MUC17: variants seen among roughly 807,000 people sequenced by gnomAD.
The protein encoded by MUC17 is mucin 17, cell surface associated, also known as mucin-17.
MUC17 carries 190 observed loss-of-function variants against 170.3 expected under a neutral mutation model. That is an observed-to-expected ratio of 1.12 (90% CI 0.99 to 1.26). MUC17 has a LOEUF of 1.26. MUC17 is among the 50% of genes most tolerant of loss of function. The pLI is 0.00. For missense variants in MUC17, 6,415 were observed against 5,530.0 expected (o/e 1.16, Z -5.08); for synonymous variants, 2,325 against 2,002.5 (o/e 1.16, Z -4.30).
chr7:101,031,276 C>T, intron 2 of MUC17, 55 bp downstream of exon 2: 1 of 1,567,996 alleles, frequency 6.4e-7, no homozygotes, highest in East Asian at 2.3e-5. Flanking sequence ...TGCGAAAGGG[C>T]TAGAGCGACC....
intron 9 of MUC17, 85 bp from the exon 10 acceptor site, chr7:101,052,901 A>T: frequency 6.7e-7 from 1 of 1,489,420 alleles, no homozygotes; most frequent in Non-Finnish European, 9.0e-7. Context: ...CCTCTTCATT[A>T]AACACCCACT....
Position 101,053,008 on chromosome 7 carries a change from TG to T in MUC17, c.13128del (p.Trp4376CysfsTer26), listed in dbSNP as rs1794978060. ...QCLCVTTETH[W>X]YSGETCNQGT... is the part of the protein sequence containing the mutation. The stretch of plus-strand genomic sequence containing the variant: ...CAGCTGCGTGACCACGGAAACTCAC[TG>T]GTACAGTGGGGAGACCTGTAACCAG... On this transcript the variant is annotated frameshift_variant, in exon 10 of 13. Coordinates refer to ENST00000306151, the MANE Select transcript of MUC17 (RefSeq NM_001040105.2). LOFTEE classifies it high-confidence loss of function. 2.5e-6 allele frequency: 4 copies of T among 1,613,878 alleles called. No individual in the cohort carries two copies. Among genetic ancestry groups the T allele is most frequent in the Non-Finnish European group, 2.5e-6 (3 of 1,179,904 alleles).
At chr7:101,053,247 G>C (rs536760156) in intron 10 of MUC17, 92 bp from the exon 11 acceptor site, 52 of 1,578,866 alleles carry the variant, frequency 3.3e-5, no homozygotes, top group Non-Finnish European at 3.8e-5. Context: ...GGTGGGCAGC[G>C]GGGGCAGCTA....
rs1794685081 is a variant in MUC17, at chr7:101,041,080, A to G, written c.9664A>G (p.Thr3222Ala). The change falls in exon 3 of 13, where the codon ACT (threonine) becomes GCT (alanine). Residue 3222 changes from threonine (T) to alanine (A), a missense_variant. Transcript: ENST00000306151. ...AACCTCAACTCCTAGTGAAGGAATG[A>G]CTCCATTAACTAGTGTACCTGTCAG... ...IPTSTPSEGMTPLTSVPVSNT... is the reference protein window; with the variant it reads ...IPTSTPSEGMAPLTSVPVSNT... 5.0e-6 allele frequency: 8 copies of G among 1,613,694 alleles called. No individual in the cohort carries two copies. The highest frequency in any genetic ancestry group is 5.9e-6 in the Non-Finnish European group (7 of 1,179,940).
chr7:101,039,574 A>G lies in MUC17; in HGVS notation c.8158A>G (p.Ser2720Gly). 1 of 1,612,676 alleles carries G rather than the reference A, an allele frequency of 6.2e-7. No individual in the cohort carries two copies. The highest frequency in any genetic ancestry group is 1.3e-5 in the African/African-American group (1 of 74,964). ...STLSTTPVDT[S>G]TPVTTSAEAS... ...CCTTTCAACAACTCCTGTTGACACC[A>G]GCACACCTGTCACCACTTCTGCTGA... Residue 2720 changes from serine (S) to glycine (G), a missense_variant, in exon 3 of 13, where the codon AGC becomes GGC. Physicochemically the swap from Ser to Gly is moderately conservative, Grantham distance 56. Coordinates refer to ENST00000306151, the MANE Select transcript of MUC17 (RefSeq NM_001040105.2).
At position 101,033,583 on chromosome 7, in the gene MUC17, A is replaced by C; in HGVS notation, c.2167A>C (p.Thr723Pro). The C allele has an allele frequency of 6.2e-7, 1 of 1,613,812 alleles. No homozygotes were observed. Among genetic ancestry groups the C allele is most frequent in the Admixed American group, 1.7e-5 (1 of 59,982 alleles). ...CACCAGCACACCTGTGACCACTTCA[A>C]CTGAAGCCAGTTCCTCTCCTACAAC... ...VDTSTPVTTS[T>P]EASSSPTTAD... The change falls in exon 3 of 13, where the codon ACT becomes CCT. Residue 723 changes from threonine to proline, a missense_variant. Transcript: ENST00000306151.
intron 1 of MUC17, among the ~76,000 whole-genome samples, chr7:101,027,474 C>G (rs1027051971): frequency 1.1e-4 from 16 of 152,226 alleles, no homozygotes; most frequent in African/African-American, 3.9e-4. Context: ...TTTGTGTCTT[C>G]CAGAGAATTT....
intron 2 of MUC17, 89 bp from the exon 3 acceptor site, chr7:101,031,512 T>A: frequency 7.4e-7 from 1 of 1,350,672 alleles, no homozygotes. Context: ...CTGAACACAT[T>A]TTCAGTAAAA....
rs1794686531 is a variant in MUC17 at position 101,041,128 on chromosome 7, G to C, written c.9712G>C (p.Glu3238Gln). The C allele has an allele frequency of 6.2e-7, 1 of 1,613,514 alleles. No homozygotes were observed. Among genetic ancestry groups the C allele is most frequent in the South Asian group, 1.1e-5 (1 of 91,042 alleles). ...CAGCAACACGCCGGTGGCCAGTTCTGAGGCTAGCATCCTTTCAACAACTCC... is the reference window on the plus strand; with the variant it reads ...CAGCAACACGCCGGTGGCCAGTTCTCAGGCTAGCATCCTTTCAACAACTCC... ...PVSNTPVASSEASILSTTPVD... is the reference protein window; with the variant it reads ...PVSNTPVASSQASILSTTPVD... Residue 3238 changes from glutamate (E) to glutamine (Q), a missense_variant, in exon 3 of 13, where the codon GAG becomes CAG. By Grantham distance (29) the Glu-to-Gln change is conservative. Coordinates refer to ENST00000306151, the MANE Select transcript of MUC17 (RefSeq NM_001040105.2).
chr7:101,039,521 C>G lies in MUC17; in HGVS notation c.8105C>G (p.Thr2702Arg). 3.1e-6 allele frequency: 5 copies of G among 1,604,250 alleles called. No homozygotes were observed. The highest frequency in any genetic ancestry group is 4.3e-6 in the Non-Finnish European group (5 of 1,176,154). ...TTAACAAATATACTTGTCAGCACCACGCTGTTGGCCAATTCTGAGGCTAGC... is the reference window on the plus strand; with the variant it reads ...TTAACAAATATACTTGTCAGCACCAGGCTGTTGGCCAATTCTGAGGCTAGC... ...TPLTNILVST[T>R]LLANSEASTL... The change falls in exon 3 of 13, where the codon ACG becomes AGG. Residue 2702 changes from threonine to arginine, a missense_variant. Transcript: ENST00000306151.
chr7:101,042,507 A>T lies in MUC17; in HGVS notation c.11091A>T (p.Thr3697=). The part of the protein sequence containing the change: ...WTPSEGSTPL[T]TMPVSTTRVT... ...CTAGTGAAGGAAGCACTCCATTAAC[A>T]ACTATGCCTGTCAGCACCACACGTG... Residue 3697 remains threonine (T), a synonymous_variant, in exon 3 of 13, where the codon ACA becomes ACT. Coordinates refer to ENST00000306151, the MANE Select transcript of MUC17 (RefSeq NM_001040105.2). The T allele has an allele frequency of 6.2e-7, 1 of 1,611,028 alleles. No homozygotes were observed. The highest frequency in any genetic ancestry group is 8.5e-7 in the Non-Finnish European group (1 of 1,179,148).
rs1378790871 is a variant in MUC17 at position 101,033,955 on chromosome 7, C to T, written c.2539C>T (p.Pro847Ser). 3 of 1,612,888 alleles carry T rather than the reference C, an allele frequency of 1.9e-6. No homozygotes were observed. Among genetic ancestry groups the T allele is most frequent in the African/African-American group, 1.3e-5 (1 of 74,908 alleles). The change falls in exon 3 of 13, where the codon CCT becomes TCT. Residue 847 changes from proline (P) to serine (S), a missense_variant. Coordinates refer to ENST00000306151, the MANE Select transcript of MUC17 (RefSeq NM_001040105.2). Reference sequence around the variant, plus strand: ...CACTTCTACTGAAGTCAGTTCATCTCCTACACCTGCTGAAGGTACCAGCAT... The same window carrying T: ...CACTTCTACTGAAGTCAGTTCATCTTCTACACCTGCTGAAGGTACCAGCAT... Reference protein sequence around the residue: ...VTTSTEVSSSPTPAEGTSMPT... With the variant: ...VTTSTEVSSSSTPAEGTSMPT...
In MUC17 at chr7:101,037,854, T is replaced by A. The variant is rs569490088; in HGVS notation, c.6438T>A (p.Thr2146=). 6.2e-7 allele frequency: 1 copy of A among 1,610,312 alleles called. No individual in the cohort carries two copies. Among genetic ancestry groups the A allele is most frequent in the South Asian group, 1.1e-5 (1 of 90,716 alleles). Residue 2146 remains threonine, a synonymous_variant, in exon 3 of 13, where the codon ACT becomes ACA. Transcript: ENST00000306151. ...STEVSSSPIP[T]EGTSMQTSTY... is the part of the protein sequence containing the mutation. ...AAGTCAGTTCATCTCCTATACCTAC[T>A]GAAGGTACCAGCATGCAAACCTCAA...
Position 101,042,174 on chromosome 7 carries a change from A to G in MUC17, c.10758A>G (p.Thr3586=). 2 of 1,613,646 alleles carry G rather than the reference A, an allele frequency of 1.2e-6. No individual in the cohort carries two copies. Among genetic ancestry groups the G allele is most frequent in the Non-Finnish European group, 1.7e-6 (2 of 1,179,914 alleles). The change falls in exon 3 of 13, where the codon ACA becomes ACG. Residue 3586 remains threonine (T), a synonymous_variant. Transcript: ENST00000306151. ...SSLTTMLLSS[T]YVTSSEASTP... ...TAACAACTATGCTCCTCAGCAGCAC[A>G]TATGTGACCAGTTCTGAGGCTAGCA...
chr7:101,041,062 ACTC>A lies in MUC17; in HGVS notation c.9649_9651del (p.Pro3217del). Reference sequence around the variant, plus strand: ...TGAAGGTACCAGCATTCCAACCTCAACTCCTAGTGAAGGAATGACTCCATTAAC... The same window carrying A: ...TGAAGGTACCAGCATTCCAACCTCAACTAGTGAAGGAATGACTCCATTAAC... On this transcript the variant is annotated inframe_deletion, in exon 3 of 13. Transcript: ENST00000306151. 1 of 1,613,358 alleles carries A rather than the reference ACTC, an allele frequency of 6.2e-7. No individual in the cohort carries two copies. The highest frequency in any genetic ancestry group is 1.1e-5 in the South Asian group (1 of 91,030).
At position 101,042,902 on chromosome 7, in the gene MUC17, C is replaced by T; in HGVS notation, c.11486C>T (p.Pro3829Leu). 6.2e-7 allele frequency: 1 copy of T among 1,614,016 alleles called. No individual in the cohort carries two copies. The highest frequency in any genetic ancestry group is 1.3e-5 in the African/African-American group (1 of 75,012). The change falls in exon 3 of 13, where the codon CCT becomes CTT. Residue 3829 changes from proline (P) to leucine (L), a missense_variant. Pro to Leu is a moderately conservative substitution (Grantham distance 98, BLOSUM62 -3). Transcript: ENST00000306151. Reference sequence around the variant, plus strand: ...ATCAGCCCTATATCTGTGATGAGTCCTTCTGAGGCCAGCACACTTTCAACA... The same window carrying T: ...ATCAGCCCTATATCTGTGATGAGTCTTTCTGAGGCCAGCACACTTTCAACA... ...VLISPISVMSPSEASTLSTPP... is the reference protein window; with the variant it reads ...VLISPISVMSLSEASTLSTPP...
rs561069584 is a variant in MUC17, at chr7:101,042,068, C to T, written c.10652C>T (p.Ser3551Phe). 2.3e-4 allele frequency: 365 copies of T among 1,613,970 alleles called. 6 individuals carry two copies. In the South Asian group the frequency reaches 4.0e-3, roughly 18 times the overall value. ...GACTCCAACACTTTTGTTACCAGTT[C>T]TAGTCAAGCCAGTTCATCTCCAGCA... The part of the protein sequence containing the change: ...PVDSNTFVTS[S>F]SQASSSPATL... The change falls in exon 3 of 13, where the codon TCT becomes TTT. Residue 3551 changes from serine (S) to phenylalanine (F), a missense_variant. Coordinates refer to ENST00000306151, the MANE Select transcript of MUC17 (RefSeq NM_001040105.2).
At position 101,032,130 on chromosome 7, in the gene MUC17, A is replaced by G; in HGVS notation, c.714A>G (p.Thr238=). 1.2e-6 allele frequency: 2 copies of G among 1,613,616 alleles called. No individual in the cohort carries two copies. Among genetic ancestry groups the G allele is most frequent in the South Asian group, 2.2e-5 (2 of 91,042 alleles). Residue 238 remains threonine (T), a synonymous_variant, in exon 3 of 13, where the codon ACA becomes ACG. Coordinates refer to ENST00000306151, the MANE Select transcript of MUC17 (RefSeq NM_001040105.2). ...GTTCAGAGGCTATCACCCTTTTGAC[A>G]ACTCCTGTTGAAATCAGCACACCTG... The part of the protein sequence containing the change: ...VASSEAITLL[T]TPVEISTPVT...
intron 9 of MUC17, 49 bp downstream of exon 9, chr7:101,052,011 C>A: frequency 1.3e-6 from 2 of 1,577,008 alleles, no homozygotes; most frequent in Non-Finnish European, 8.6e-7. Flanking sequence ...TCCTGGTCCT[C>A]CCCTCCCCTG....
Sources: allele counts gnomAD v4.1 joint callset (sites outside exome capture counted in the v4.1 genomes callset), GRCh38; gene constraint gnomAD v4.1.1; transcripts MANE v1.5; gene names NCBI Gene and HGNC (gene_info 2026-07-23, HGNC 2026-07-21).